STAT2: variants seen among roughly 807,000 people sequenced by gnomAD.
The protein encoded by STAT2 is interferon alpha induced transcriptional activator.
STAT2 carries 51 observed loss-of-function variants against 122.3 expected under a neutral mutation model. The observed-to-expected ratio is 0.42, with a 90% confidence interval of 0.33 to 0.53. The LOEUF is 0.53. Ranked by LOEUF, STAT2 falls within the 20% of genes least tolerant of loss-of-function variation. The pLI, the probability that STAT2 is intolerant of heterozygous loss-of-function variation, is 0.10. For synonymous variants in STAT2, 351 were observed against 394.9 expected (o/e 0.89, Z 1.32); for missense variants, 736 against 1,010.3 (o/e 0.73, Z 3.68).
chr12:56,355,840 A>T, intron 3 of STAT2, 37 bp from the exon 4 acceptor site: 3 of 1,591,254 alleles, frequency 1.9e-6, no homozygotes, highest in Non-Finnish European at 2.6e-6. Flanking sequence ...ATCCAATTCA[A>T]CCACTCTCAA....
chr12:56,348,862 T>C (rs1464540402), intron 17 of STAT2, 58 bp from the exon 18 acceptor site: 12 of 1,614,006 alleles, frequency 7.4e-6, no homozygotes, highest in Non-Finnish European at 1.0e-5. Context: ...CTGGGATAGA[T>C]AGGACAGAGG....
chr12:56,355,933 C>A, intron 3 of STAT2, 130 bp from the exon 4 acceptor site: 1 of 1,226,472 alleles, frequency 8.2e-7, no homozygotes. Flanking sequence ...GTCTTTTCAC[C>A]ATAGCATCCT....
intron 6 of STAT2, 46 bp downstream of exon 6, chr12:56,355,230 C>G: frequency 6.2e-7 from 1 of 1,610,176 alleles, no homozygotes; most frequent in Non-Finnish European, 8.5e-7. Context: ...GCTCCGGCTT[C>G]TCAGCAGGCA....
intron 13 of STAT2, 133 bp from the exon 14 acceptor site, chr12:56,349,769 C>A: frequency 8.3e-7 from 1 of 1,208,198 alleles, no homozygotes; most frequent in Non-Finnish European, 1.2e-6. Context: ...TAAAAGCAGG[C>A]CAGCTATGGT....
At chr12:56,345,524 A>ATATATATATATATATATATATATAT (rs1253052692) in intron 22 of STAT2, among the ~76,000 whole-genome samples, 2 of 26,246 alleles carry the variant, frequency 7.6e-5, no homozygotes, top group Non-Finnish European at 1.1e-4. Context: ...AAAAAAAAAA[A>ATATATATATATATATATATATATAT]ATATATATAT....
chr12:56,353,732 G>A (rs529786001), intron 8 of STAT2, among the ~76,000 whole-genome samples: 33 of 151,728 alleles, frequency 2.2e-4, no homozygotes, highest in African/African-American at 6.0e-4. Context: ...GGTGGCTCAC[G>A]CCTGTAATCC....
chr12:56,345,468 C>T (rs1217840287), intron 22 of STAT2, among the ~76,000 whole-genome samples: 1 of 109,930 alleles, frequency 9.1e-6, no homozygotes, highest in African/African-American at 3.7e-5. Flanking sequence ...CCACTGCACT[C>T]CAGCCTGGAT....
In STAT2 at chr12:56,343,116, C is replaced by T. The variant is rs1565645270; in HGVS notation, c.*273G>A. On this transcript the variant is annotated 3_prime_UTR_variant, in exon 24 of 24. Transcript: ENST00000314128. ...AGTACCTGTCAACTGCCCTGGCCTGCCCCCAGGACCCCTATACCTCCCAGC... is the reference window on the plus strand; with the variant it reads ...AGTACCTGTCAACTGCCCTGGCCTGTCCCCAGGACCCCTATACCTCCCAGC... 1 of 356,784 alleles carries T rather than the reference C, an allele frequency of 2.8e-6. No individual in the cohort carries two copies. The highest frequency in any genetic ancestry group is 5.0e-6 in the Non-Finnish European group (1 of 198,268). 22.1% of individuals were successfully genotyped at this position (356,784 alleles called of 1,614,324 possible).
At chr12:56,348,464 G>C in intron 19 of STAT2, 65 bp downstream of exon 19, 1 of 1,537,016 alleles carries the variant, frequency 6.5e-7, no homozygotes, top group Non-Finnish European at 9.0e-7. Context: ...ACGTGAGGGT[G>C]CAGAGACTCC....
Position 56,348,734 on chromosome 12 carries a change from C to T in STAT2, c.1629+18G>A. 1 of 1,614,160 alleles carries T rather than the reference C, an allele frequency of 6.2e-7. No individual in the cohort carries two copies. The highest frequency in any genetic ancestry group is 8.5e-7 in the Non-Finnish European group (1 of 1,180,030). ...ATGTGGGCTAGATCCAGCAGCTCCA[C>T]AGGATTCAGGGAGTTACCTTAGTGA... is the stretch of plus-strand genomic sequence containing the variant. On this transcript the variant is annotated intron_variant, in intron 18 of 23. Coordinates refer to ENST00000314128, the MANE Select transcript of STAT2 (RefSeq NM_005419.4).
At chr12:56,348,244 C>T (rs1484584093) in intron 19 of STAT2, among the ~76,000 whole-genome samples, 3 of 151,916 alleles carry the variant, frequency 2.0e-5, no homozygotes, top group Non-Finnish European at 4.4e-5. Context: ...TCTGCCACCA[C>T]GCCCGGCTAA....
At chr12:56,355,872 C>A (rs1879434140) in intron 3 of STAT2, 69 bp from the exon 4 acceptor site, 1 of 1,477,484 alleles carries the variant, frequency 6.8e-7, no homozygotes, top group African/African-American at 1.4e-5. Flanking sequence ...CCTAGACCCT[C>A]CCCACCAATG....
intron 1 of STAT2, among the ~76,000 whole-genome samples, chr12:56,359,101 T>C (rs1195487334): frequency 3.9e-5 from 6 of 152,136 alleles, no homozygotes; most frequent in Non-Finnish European, 1.5e-5. Context: ...TAAAGAGAAA[T>C]GCTTGGGGTG....
chr12:56,354,383 AG>A, intron 8 of STAT2, 82 bp downstream of exon 8: 1 of 1,587,602 alleles, frequency 6.3e-7, no homozygotes, highest in Non-Finnish European at 8.6e-7. Context: ...AATAGAGAAC[AG>A]TATCTCTTGC....
rs1421394137 is a variant in STAT2 at position 56,352,248 on chromosome 12, T to A, written c.783-798A>T. 3 of 149,952 alleles carry A rather than the reference T, an allele frequency of 2.0e-5. No homozygotes were observed. In the East Asian group the frequency reaches 5.8e-4, roughly 29 times the overall value. 9.3% of individuals were successfully genotyped at this position (149,952 alleles called of 1,614,324 possible). A position where few individuals can be genotyped will look rare whatever the true frequency, so the allele number is the denominator to read the frequency against. On this transcript the variant is annotated intron_variant, in intron 8 of 23. Transcript: ENST00000314128. ...ACTTTACTGTCTCTATAATTAAAAA[T>A]AATAATAATCAGCAATGTGGTGACA... is the stretch of plus-strand genomic sequence containing the variant.
rs1328416908 is a variant in STAT2, at chr12:56,342,109, C to G, written c.*1280G>C. On this transcript the variant is annotated 3_prime_UTR_variant, in exon 24 of 24. Transcript: ENST00000314128. ...GTCAGGAGTTCGAGACCAGCCTGAC[C>G]AACATGGAGAAACCCCGTCTCTACT... The G allele has an allele frequency of 6.6e-6, 1 of 151,332 alleles. No individual in the cohort carries two copies. Among genetic ancestry groups the G allele is most frequent in the Non-Finnish European group, 1.5e-5 (1 of 67,954 alleles). 9.4% of individuals were successfully genotyped at this position (151,332 alleles called of 1,614,324 possible). A position where few individuals can be genotyped will look rare whatever the true frequency, so the allele number is the denominator to read the frequency against.
Position 56,355,465 on chromosome 12 carries a change from AGGATCCG to A in STAT2, c.442_448del (p.Arg148TrpfsTer3). The A allele has an allele frequency of 6.2e-7, 1 of 1,614,146 alleles. No individual in the cohort carries two copies. The highest frequency in any genetic ancestry group is 8.5e-7 in the Non-Finnish European group (1 of 1,180,028). On this transcript the variant is annotated frameshift_variant, in exon 5 of 24. Transcript: ENST00000314128. LOFTEE classifies it high-confidence loss of function. ...AACCTCCATCATAGCCCTTAAATCC[AGGATCCG>A]GGATTCAATCTCATGTTGCTGGCTC... is the stretch of plus-strand genomic sequence containing the variant.
At chr12:56,350,212 T>C (rs753830280) in intron 12 of STAT2, 22 bp from the exon 13 acceptor site, 3 of 1,572,854 alleles carry the variant, frequency 1.9e-6, no homozygotes, top group East Asian at 2.3e-5. Flanking sequence ...GGAAGATACA[T>C]GGAGACAAGG....
At chr12:56,347,867 G>A (rs1338514706) in intron 19 of STAT2, among the ~76,000 whole-genome samples, 1 of 152,102 alleles carries the variant, frequency 6.6e-6, no homozygotes, top group South Asian at 2.1e-4. Flanking sequence ...AAAGAGCATG[G>A]GCTTGGAGTC....
Sources: allele counts gnomAD v4.1 joint callset (sites outside exome capture counted in the v4.1 genomes callset), GRCh38; gene constraint gnomAD v4.1.1; transcripts MANE v1.5; gene names NCBI Gene and HGNC (gene_info 2026-07-23, HGNC 2026-07-21).